The following EDARADD variants were observed in gnomAD, a reference collection of about 807,000 sequenced individuals.
EDARADD encodes EDAR associated via death domain.
Under a neutral mutation model 25.6 loss-of-function variants are expected in EDARADD, and 20 were observed. The observed-to-expected ratio is 0.78, with a 90% CI of 0.55 to 1.14. EDARADD has a LOEUF of 1.14. Ranked by LOEUF, EDARADD falls within the 50% of genes most tolerant of loss-of-function variation. The probability of loss-of-function intolerance (pLI) is 0.00; values close to 1 mark genes in which losing one functional copy is unlikely to be tolerated. For missense variants in EDARADD, 225 were observed against 270.1 expected (o/e 0.83, Z 1.17); for synonymous variants, 86 against 94.4 (o/e 0.91, Z 0.52).
chr1:236,481,324 GGA>G (rs1049547352), intron 5 of EDARADD, among the ~76,000 whole-genome samples: 2 of 152,118 alleles, frequency 1.3e-5, no homozygotes, highest in Non-Finnish European at 1.5e-5. Context: ...CTTTTACCCC[GGA>G]GAGAGTTCTG....
intron 4 of EDARADD, among the ~76,000 whole-genome samples, chr1:236,437,332 G>C (rs1385718482): frequency 2.0e-5 from 3 of 152,202 alleles, no homozygotes; most frequent in African/African-American, 4.8e-5. Context: ...TTTGGGAAGA[G>C]TTGTTCAAAT....
At chr1:236,463,491 C>A (rs965114507) in intron 4 of EDARADD, among the ~76,000 whole-genome samples, 1 of 152,184 alleles carries the variant, frequency 6.6e-6, no homozygotes, top group Non-Finnish European at 1.5e-5. Flanking sequence ...CGGGGTTTCA[C>A]CATGTTAGCC....
chr1:236,443,658 G>A (rs962635574), intron 4 of EDARADD, among the ~76,000 whole-genome samples: 1 of 152,224 alleles, frequency 6.6e-6, no homozygotes, highest in Non-Finnish European at 1.5e-5. Context: ...TTATGGATGA[G>A]CAAAGAAAGT....
chr1:236,364,444 G>A (rs1029482729), intron 3 of EDARADD, among the ~76,000 whole-genome samples: 1 of 152,108 alleles, frequency 6.6e-6, no homozygotes, highest in African/African-American at 2.4e-5. Flanking sequence ...AACTAGCTGG[G>A]ATTTTGATTA....
chr1:236,476,589 G>A (rs1167367150), intron 5 of EDARADD, among the ~76,000 whole-genome samples: 10 of 151,614 alleles, frequency 6.6e-5, no homozygotes, highest in East Asian at 1.9e-4. Flanking sequence ...GCAGTGGCAC[G>A]ATCTCGGTTC....
intron 4 of EDARADD, among the ~76,000 whole-genome samples, chr1:236,431,520 A>C: frequency 6.6e-6 from 1 of 152,234 alleles, no homozygotes; most frequent in East Asian, 1.9e-4. Flanking sequence ...GAACTATTCA[A>C]CTTCTACAAC....
At chr1:236,430,932 A>G (rs1030505259) in intron 4 of EDARADD, among the ~76,000 whole-genome samples, 7 of 152,320 alleles carry the variant, frequency 4.6e-5, no homozygotes, top group Middle Eastern at 3.4e-3. Context: ...CCTGGCCAAG[A>G]TGGTGAAACC....
chr1:236,446,554 GA>G (rs11315580), intron 4 of EDARADD, among the ~76,000 whole-genome samples: 120,799 of 148,474 alleles, frequency 0.81, 49,501 homozygotes, highest in Non-Finnish European at 0.88. Context: ...TCCATCTCAA[GA>G]AAAAAAAAAA....
chr1:236,458,831 A>G (rs1399493674), intron 4 of EDARADD, among the ~76,000 whole-genome samples: 1 of 151,488 alleles, frequency 6.6e-6, no homozygotes, highest in Non-Finnish European at 1.5e-5. Flanking sequence ...TTTAGTAGAG[A>G]TGGGTTTCAC....
intron 3 of EDARADD, among the ~76,000 whole-genome samples, chr1:236,418,621 CT>C: frequency 6.6e-6 from 1 of 152,244 alleles, no homozygotes; most frequent in Middle Eastern, 3.4e-3. Flanking sequence ...TTGGGGGTGC[CT>C]TTTAGAACAA....
chr1:236,420,550 A>G (rs533946006), intron 3 of EDARADD, among the ~76,000 whole-genome samples: 1 of 152,352 alleles, frequency 6.6e-6, no homozygotes, highest in South Asian at 2.1e-4. Flanking sequence ...TTAAATGTTT[A>G]ACATGAATTT....
At chr1:236,429,040 G>A (rs1281763446) in intron 4 of EDARADD, among the ~76,000 whole-genome samples, 1 of 152,108 alleles carries the variant, frequency 6.6e-6, no homozygotes, top group Non-Finnish European at 1.5e-5. Flanking sequence ...GCAGGCTGAG[G>A]CAGGAGAATC....
At chr1:236,376,355 A>G (rs1415634527) in intron 3 of EDARADD, among the ~76,000 whole-genome samples, 1 of 152,198 alleles carries the variant, frequency 6.6e-6, no homozygotes, top group African/African-American at 2.4e-5. Context: ...ACTACTGGCA[A>G]GAAATTCTCT....
At chr1:236,389,488 G>A (rs542233451), upstream of EDARADD, among the ~76,000 whole-genome samples, 3 of 152,316 alleles carry the variant, frequency 2.0e-5, no homozygotes, top group African/African-American at 7.2e-5. Context: ...GTGTGAGGAA[G>A]GGTATTGCAT....
rs921514385 is a variant in EDARADD at position 236,395,405 on chromosome 1, G to C, written c.61+900G>C. The C allele has an allele frequency of 9.1e-5, 130 of 1,421,796 alleles. No homozygotes were observed. The highest frequency in any genetic ancestry group is 2.7e-5 in the Non-Finnish European group (29 of 1,087,278). 88.1% of individuals were successfully genotyped at this position (1,421,796 alleles called of 1,614,324 possible). On this transcript the variant is annotated intron_variant, in intron 1 of 5. Transcript: ENST00000334232. This position sits in a 1 kb window ranked among gnomAD's most constrained non-coding sequence, Gnocchi z 6.9. The stretch of plus-strand genomic sequence containing the variant: ...GAGGTACCGAGGGACGCGCAGCGAA[G>C]GGGCTTTGCTAATTGCCAAAGCAGG...
intron 4 of EDARADD, among the ~76,000 whole-genome samples, chr1:236,431,639 GGGCCGGGCGCGGTGGCTC>G (rs1658096610): frequency 5.0e-5 from 6 of 119,792 alleles, no homozygotes; most frequent in Non-Finnish European, 1.1e-4. Context: ...ACCCCAGGCA[GGGCCGGGCGCGGTGGCTC>G]ACGCCTGTAA....
chr1:236,400,048 C>T (rs533086243), intron 1 of EDARADD, among the ~76,000 whole-genome samples: 1 of 152,336 alleles, frequency 6.6e-6, no homozygotes, highest in East Asian at 1.9e-4. Context: ...CAAAGCTGGA[C>T]CAGCCAATTC....
intron 4 of EDARADD, among the ~76,000 whole-genome samples, chr1:236,445,375 G>T (rs549723508): frequency 1.3e-5 from 2 of 152,038 alleles, no homozygotes; most frequent in Non-Finnish European, 2.9e-5. Context: ...TTACAGGCAT[G>T]TGCCACCACG....
intron 4 of EDARADD, among the ~76,000 whole-genome samples, chr1:236,432,251 C>T (rs1365876105): frequency 6.6e-6 from 1 of 151,328 alleles, no homozygotes; most frequent in Non-Finnish European, 1.5e-5. Context: ...AAAAATTAAC[C>T]ACACCTGTGG....
Sources: allele counts gnomAD v4.1 joint callset (sites outside exome capture counted in the v4.1 genomes callset), GRCh38; gene constraint gnomAD v4.1.1; non-coding constraint Gnocchi (gnomAD v3.1); transcripts MANE v1.5; gene names NCBI Gene and HGNC (gene_info 2026-07-23, HGNC 2026-07-21).